Variants in GDPD4 observed in about 807,000 individuals in gnomAD.
GDPD4 encodes the protein glycerophosphodiester phosphodiesterase domain containing 4.
Under a neutral mutation model 67.8 loss-of-function variants are expected in GDPD4, and 60 were observed. The ratio of observed to expected loss-of-function variants is 0.88; its 90% CI spans 0.72 to 1.10. GDPD4 has a LOEUF of 1.10. Ranked by LOEUF, GDPD4 falls within the 50% of genes least tolerant of loss-of-function variation. The pLI, the probability that GDPD4 is intolerant of heterozygous loss-of-function variation, is 0.00. For missense variants in GDPD4, 623 were observed against 613.9 expected (o/e 1.01, Z -0.16); for synonymous variants, 212 against 210.9 (o/e 1.00, Z -0.04).
Position 77,300,069 on chromosome 11 carries a change from CTACTTT to C in GDPD4, c.-254+1530_-254+1535del, listed in dbSNP as rs140160049. On this transcript the variant is annotated intron_variant, in intron 1 of 16. Transcript: ENST00000315938. Reference sequence around the variant, plus strand: ...GTCAGTATGTTCAATTCTTTGCCTTCTACTTTTAAACTTCCTCGTAAAGCAACCTTT... The same window carrying C: ...GTCAGTATGTTCAATTCTTTGCCTTCTAAACTTCCTCGTAAAGCAACCTTT... Among the ~76,000 whole-genome samples, 1,400 of 152,176 alleles carry C rather than the reference CTACTTT, an allele frequency of 9.2e-3. 31 individuals carry two copies. The highest frequency in any genetic ancestry group is 0.033 in the African/African-American group (1,353 of 41,436).
intron 13 of GDPD4, among the ~76,000 whole-genome samples, chr11:77,237,377 T>A (rs1375277088): frequency 6.6e-6 from 1 of 152,206 alleles, no homozygotes; most frequent in African/African-American, 2.4e-5. Flanking sequence ...TCTAATCCTT[T>A]GTATTAGCTC....
At chr11:77,226,913 C>A (rs1175726017) in intron 16 of GDPD4, among the ~76,000 whole-genome samples, 1 of 152,140 alleles carries the variant, frequency 6.6e-6, no homozygotes, top group Non-Finnish European at 1.5e-5. Context: ...ATTCCTGCAA[C>A]CCTAAGTGTT....
chr11:77,217,666 A>T (rs191804788), intron 16 of GDPD4, among the ~76,000 whole-genome samples: 4 of 152,374 alleles, frequency 2.6e-5, no homozygotes, highest in African/African-American at 9.6e-5. Context: ...TTTAAAGGGC[A>T]GAGACTTTGT....
At chr11:77,286,483 A>G (rs1401923760) in intron 2 of GDPD4, among the ~76,000 whole-genome samples, 2 of 152,202 alleles carry the variant, frequency 1.3e-5, no homozygotes, top group African/African-American at 2.4e-5. Context: ...TTCCTACTGC[A>G]GGGAAACCTC....
chr11:77,259,959 C>T (rs1256781621), intron 10 of GDPD4, among the ~76,000 whole-genome samples: 3 of 152,096 alleles, frequency 2.0e-5, no homozygotes, highest in African/African-American at 7.2e-5. Flanking sequence ...TTCCATCCAG[C>T]GAGAGAGGAG....
At chr11:77,284,049 C>T (rs1422790186) in intron 3 of GDPD4, among the ~76,000 whole-genome samples, 6 of 151,816 alleles carry the variant, frequency 4.0e-5, no homozygotes, top group Admixed American at 1.3e-4. Context: ...ATTTTAACAA[C>T]GTTTATTCTT....
At chr11:77,277,009 CCCT>C (rs1959500085) in intron 4 of GDPD4, among the ~76,000 whole-genome samples, 1 of 152,054 alleles carries the variant, frequency 6.6e-6, no homozygotes, top group East Asian at 1.9e-4. Flanking sequence ...ATCCAGGTCC[CCCT>C]CCTTTTTCAC....
intron 16 of GDPD4, among the ~76,000 whole-genome samples, chr11:77,219,922 C>T (rs1192680503): frequency 1.3e-5 from 2 of 152,128 alleles, no homozygotes; most frequent in African/African-American, 4.8e-5. Context: ...GGAGTTCACT[C>T]ATGATTTGGC....
intron 12 of GDPD4, 72 bp from the exon 13 acceptor site, chr11:77,243,920 G>C (rs1199357786): frequency 2.9e-6 from 3 of 1,036,334 alleles, no homozygotes; most frequent in African/African-American, 3.2e-5. Context: ...ATAGAGAATG[G>C]AGGGAGCTCC....
In GDPD4 at chr11:77,216,754, C is replaced by A. The variant is rs949860488; in HGVS notation, c.*523G>T. ...TCCCCTGAGAGCCTCCGTGGCCCTTCTGTGTGCCTTTATCAACCACTCCCC... is the reference window on the plus strand; with the variant it reads ...TCCCCTGAGAGCCTCCGTGGCCCTTATGTGTGCCTTTATCAACCACTCCCC... On this transcript the variant is annotated 3_prime_UTR_variant, in exon 17 of 17. Coordinates refer to ENST00000315938, the MANE Select transcript of GDPD4 (RefSeq NM_182833.3). 1 of 599,334 alleles carries A rather than the reference C, an allele frequency of 1.7e-6. No individual in the cohort carries two copies. The highest frequency in any genetic ancestry group is 1.9e-5 in the African/African-American group (1 of 53,844). 37.1% of individuals were successfully genotyped at this position (599,334 alleles called of 1,614,324 possible).
chr11:77,258,330 C>G, intron 11 of GDPD4, 56 bp downstream of exon 11: 1 of 1,523,852 alleles, frequency 6.6e-7, no homozygotes, highest in Non-Finnish European at 9.1e-7. Flanking sequence ...AGGAGCAGCA[C>G]ATGATCTCTT....
intron 3 of GDPD4, among the ~76,000 whole-genome samples, chr11:77,282,014 T>C (rs1840833962): frequency 6.6e-6 from 1 of 152,122 alleles, no homozygotes; most frequent in African/African-American, 2.4e-5. Context: ...TCTAAAAGAA[T>C]ATTAACTATA....
chr11:77,274,974 GTAC>G (rs1386018623), intron 5 of GDPD4, among the ~76,000 whole-genome samples: 1 of 152,152 alleles, frequency 6.6e-6, no homozygotes, highest in Non-Finnish European at 1.5e-5. Flanking sequence ...ATGTTTGACA[GTAC>G]AGTAAGGTGA....
chr11:77,233,065 A>T lies in GDPD4; in HGVS notation c.1349T>A (p.Ile450Asn), dbSNP rs373177608. Residue 450 changes from isoleucine (I) to asparagine (N), a missense_variant, in exon 14 of 17, where the codon ATT becomes AAT. Coordinates refer to ENST00000315938, the MANE Select transcript of GDPD4 (RefSeq NM_182833.3). ...SRINSVTTDN[I>N]GLLSQLDHPH... ...GTGATCAAGCTGACTCAGGAGCCCA[A>T]TGTTGTCTGTGGTCACTGAGTTAAT... 1 of 1,614,136 alleles carries T rather than the reference A, an allele frequency of 6.2e-7. No homozygotes were observed. The highest frequency in any genetic ancestry group is 1.3e-5 in the African/African-American group (1 of 75,048).
chr11:77,269,165 G>T, intron 8 of GDPD4, 96 bp from the exon 9 acceptor site: 1 of 1,087,396 alleles, frequency 9.2e-7, no homozygotes, highest in Non-Finnish European at 1.3e-6. Flanking sequence ...TAAACCCACA[G>T]TCCATGGGTT....
At chr11:77,269,098 G>A in intron 8 of GDPD4, 29 bp from the exon 9 acceptor site, 1 of 1,605,662 alleles carries the variant, frequency 6.2e-7, no homozygotes, top group Non-Finnish European at 8.5e-7. Context: ...AGGGGAAGTG[G>A]GGGAAAAAGA....
At position 77,285,198 on chromosome 11, in the gene GDPD4, A is replaced by T; in HGVS notation, c.-50-11T>A. The T allele has an allele frequency of 2.2e-6, 3 of 1,346,828 alleles. No homozygotes were observed. In the South Asian group the frequency reaches 3.6e-5, roughly 16 times the overall value. The allele number at this position is 1,346,828 out of a possible 1,614,324, so 83.4% of individuals were successfully genotyped here. A position where few individuals can be genotyped will look rare whatever the true frequency, so the allele number is the denominator to read the frequency against. On this transcript the variant is annotated splice_polypyrimidine_tract_variant and intron_variant, in intron 2 of 16. Coordinates refer to ENST00000315938, the MANE Select transcript of GDPD4 (RefSeq NM_182833.3). ...AAATAATTGCTCTTTCTGGGAAAAG[A>T]AAAAAGAAATCTAACTTAGCTCCAT... is the stretch of plus-strand genomic sequence containing the variant.
intron 1 of GDPD4, among the ~76,000 whole-genome samples, chr11:77,293,721 G>A (rs777531986): frequency 2.2e-4 from 33 of 152,034 alleles, no homozygotes; most frequent in Admixed American, 3.9e-4. Context: ...CAGCACACTA[G>A]GAATAGAATG....
At position 77,245,432 on chromosome 11, in the gene GDPD4, G is replaced by A. The variant is rs748557699; in HGVS notation, c.935C>T (p.Pro312Leu). The A allele has an allele frequency of 5.0e-6, 8 of 1,613,854 alleles. No homozygotes were observed. Among genetic ancestry groups the A allele is most frequent in the African/African-American group, 2.7e-5 (2 of 74,874 alleles). Reference protein sequence around the residue: ...DKERARNQSIPTLADLLTLAE... With the variant: ...DKERARNQSILTLADLLTLAE... Reference sequence around the variant, plus strand: ...AAGTGTCAATAAATCAGCTAGTGTTGGAATTGACTGATTTCTTGCTCTTTC... The same window carrying A: ...AAGTGTCAATAAATCAGCTAGTGTTAGAATTGACTGATTTCTTGCTCTTTC... Residue 312 changes from proline to leucine, a missense_variant, in exon 12 of 17, where the codon CCA becomes CTA. Physicochemically the swap from Pro to Leu is moderately conservative, Grantham distance 98. Transcript: ENST00000315938.
Sources: allele counts gnomAD v4.1 joint callset (sites outside exome capture counted in the v4.1 genomes callset), GRCh38; gene constraint gnomAD v4.1.1; transcripts MANE v1.5; gene names NCBI Gene and HGNC (gene_info 2026-07-23, HGNC 2026-07-21).